Variants in CFAP99 observed in about 807,000 individuals in gnomAD.
CFAP99 encodes cilia- and flagella-associated protein 99.
Under a neutral mutation model 82.7 loss-of-function variants are expected in CFAP99, and 84 were observed. The observed-to-expected ratio is 1.02, with a 90% CI of 0.85 to 1.22. The LOEUF (loss-of-function observed/expected upper bound fraction) is 1.22. CFAP99 is among the 50% of genes most tolerant of loss of function. The probability of loss-of-function intolerance (pLI) is 0.00; values close to 1 mark genes in which losing one functional copy is unlikely to be tolerated. For synonymous variants in CFAP99, 456 were observed against 429.5 expected (o/e 1.06, Z -0.76); for missense variants, 1,059 against 983.5 (o/e 1.08, Z -1.03).
At chr4:2,454,594 G>GTTTTTT (rs1204498727) in intron 11 of CFAP99, among the ~76,000 whole-genome samples, 1 of 84,536 alleles carries the variant, frequency 1.2e-5, no homozygotes, top group Non-Finnish European at 2.5e-5. Flanking sequence ...TTTTTTTTTT[G>GTTTTTT]TTTTTTTTTT....
At chr4:2,443,237 G>A (rs1734092176) in exon 5 of CFAP99, 2 of 1,531,936 alleles carry the variant, frequency 1.3e-6, no homozygotes, top group East Asian at 2.4e-5. Context: ...TCGACCCCCT[G>A]ATGAGGTAGG....
At chr4:2,453,131 C>G (rs1189593179) in intron 11 of CFAP99, among the ~76,000 whole-genome samples, 2 of 152,202 alleles carry the variant, frequency 1.3e-5, no homozygotes, top group Non-Finnish European at 2.9e-5. Flanking sequence ...AGTCTCACCT[C>G]TTGTAAGTCT....
intron 6 of CFAP99, among the ~76,000 whole-genome samples, chr4:2,445,929 T>C (rs1166625808): frequency 6.6e-6 from 1 of 152,216 alleles, no homozygotes; most frequent in African/African-American, 2.4e-5. Context: ...AAAGTCTGAC[T>C]GGACCAGCTT....
chr4:2,459,357 G>T, intron 13 of CFAP99, 99 bp downstream of exon 13: 1 of 1,362,006 alleles, frequency 7.3e-7, no homozygotes, highest in Admixed American at 2.8e-5. Context: ...GCCACAGGTG[G>T]GTCTTGCACC....
At chr4:2,431,151 G>A (rs1733792862) in intron 2 of CFAP99, among the ~76,000 whole-genome samples, 1 of 151,734 alleles carries the variant, frequency 6.6e-6, no homozygotes, top group South Asian at 2.1e-4. Flanking sequence ...GGTGGATCAC[G>A]AGGTCAGGAG....
At chr4:2,425,940 CCTT>C (rs1733673186) in intron 1 of CFAP99, among the ~76,000 whole-genome samples, 1 of 152,168 alleles carries the variant, frequency 6.6e-6, no homozygotes. Flanking sequence ...ACCCCAGGCT[CCTT>C]CTTGCCCCAA....
exon 5 of CFAP99, chr4:2,443,149 A>G: frequency 6.5e-7 from 1 of 1,532,364 alleles, no homozygotes; most frequent in Non-Finnish European, 8.7e-7. Context: ...TTCTTCTTCA[A>G]CCCCCTGCAC....
chr4:2,423,786 A>G (rs1733628840), intron 1 of CFAP99, among the ~76,000 whole-genome samples: 2 of 152,018 alleles, frequency 1.3e-5, no homozygotes, highest in African/African-American at 4.8e-5. Context: ...GTGTTCTCCA[A>G]GCCAGCAGCA....
At chr4:2,449,985 T>C (rs1337387066) in exon 8 of CFAP99, 6 of 1,536,022 alleles carry the variant, frequency 3.9e-6, no homozygotes, top group Non-Finnish European at 5.2e-6. Context: ...CATGCCCAGG[T>C]CCTGCAGGGA....
chr4:2,462,515 G>C lies in CFAP99; in HGVS notation c.1734G>C (p.Arg578=). 1 of 1,477,742 alleles carries C rather than the reference G, an allele frequency of 6.8e-7. No homozygotes were observed. Among genetic ancestry groups the C allele is most frequent in the East Asian group, 3.0e-5 (1 of 33,654 alleles). The allele number at this position is 1,477,742 out of a possible 1,614,324, so 91.5% of individuals were successfully genotyped here. ...AGGACGAGCGCGTGCAGCAGCTGCG[G>C]CGCAGGATCTCGGAGAGGGCGGCCG... Residue 578 remains arginine (R), a synonymous_variant, in exon 15 of 15, where the codon CGG becomes CGC. Coordinates refer to ENST00000635017, the Ensembl canonical transcript of CFAP99. This position sits in a 1 kb window ranked among gnomAD's most constrained non-coding sequence, Gnocchi z 4.1.
intron 2 of CFAP99, among the ~76,000 whole-genome samples, chr4:2,434,714 C>T (rs528646569): frequency 1.1e-4 from 16 of 152,318 alleles, no homozygotes; most frequent in African/African-American, 3.1e-4. Context: ...GAAGAAAAGG[C>T]GCATCCCCCA....
At chr4:2,427,646 G>C (rs554247743) in intron 2 of CFAP99, 2 of 152,968 alleles carry the variant, frequency 1.3e-5, no homozygotes, top group African/African-American at 4.8e-5. Flanking sequence ...CGGCCCCTGG[G>C]GGCTGCCCTG....
intron 1 of CFAP99, among the ~76,000 whole-genome samples, chr4:2,423,302 G>A (rs1473302187): frequency 6.6e-6 from 1 of 152,270 alleles, no homozygotes; most frequent in East Asian, 1.9e-4. Context: ...CATACTGGTG[G>A]CCTGGCCTGC....
At chr4:2,428,606 C>T (rs1733734888) in intron 2 of CFAP99, 1 of 152,220 alleles carries the variant, frequency 6.6e-6, no homozygotes, top group Non-Finnish European at 1.5e-5. Flanking sequence ...AGCCTCAGCT[C>T]CTCTGACCCA....
chr4:2,446,593 A>T lies in CFAP99; in HGVS notation c.642+1285A>T, dbSNP rs149676573. ...TTTTTAGTAGAGGTAGGGTTTTGTC[A>T]TGTTGGCCGGGCTGGTCCCTAACTG... On this transcript the variant is annotated intron_variant, in intron 6 of 14. Transcript: ENST00000635017. This position sits in a 1 kb window ranked among gnomAD's most constrained non-coding sequence, Gnocchi z 5.0. Among the ~76,000 whole-genome samples the T allele has an allele frequency of 3.3e-5, 5 of 151,988 alleles. No individual in the cohort carries two copies. In the East Asian group the frequency reaches 9.7e-4, roughly 29 times the overall value.
At chr4:2,455,912 T>C (rs558887684) in intron 11 of CFAP99, among the ~76,000 whole-genome samples, 5 of 152,364 alleles carry the variant, frequency 3.3e-5, no homozygotes, top group Admixed American at 6.5e-5. Flanking sequence ...CAATGTGTTT[T>C]AATGAACTAT....
At chr4:2,426,373 C>T in intron 1 of CFAP99, 86 bp from the exon 2 acceptor site, 1 of 834,756 alleles carries the variant, frequency 1.2e-6, no homozygotes, top group Non-Finnish European at 1.9e-6. Flanking sequence ...AGGCCCAACA[C>T]CCTGGCAGAC....
intron 6 of CFAP99, among the ~76,000 whole-genome samples, chr4:2,449,456 C>T (rs1734249075): frequency 6.6e-6 from 1 of 151,762 alleles, no homozygotes; most frequent in Non-Finnish European, 1.5e-5. Context: ...CTCCAGACCC[C>T]ACGCCAATGA....
intron 2 of CFAP99, chr4:2,426,981 A>G (rs1733698844): frequency 4.1e-6 from 1 of 241,466 alleles, no homozygotes; most frequent in African/African-American, 2.2e-5. Flanking sequence ...GCGCAAGGCC[A>G]CAACTTGTGC....
Sources: gnomAD v4.1 joint callset for allele counts (sites outside exome capture counted in the v4.1 genomes callset) on GRCh38, gnomAD v4.1.1 for gene constraint, Gnocchi (gnomAD v3.1) non-coding constraint, MANE v1.5 for transcripts, NCBI Gene and HGNC (gene_info 2026-07-23, HGNC 2026-07-21) for gene names.